Variants in CASZ1 observed in about 807,000 individuals in gnomAD.
CASZ1 encodes zinc finger protein castor homolog 1.
CASZ1 carries 28 observed loss-of-function variants against 135.2 expected under a neutral mutation model. The ratio of observed to expected loss-of-function variants is 0.21; its 90% CI spans 0.15 to 0.28. The LOEUF is 0.28. Ranked by LOEUF, CASZ1 falls within the 10% of genes least tolerant of loss-of-function variation. The pLI is 1.00. For missense variants in CASZ1, 2,161 were observed against 2,453.3 expected, an observed-to-expected ratio of 0.88 and a Z score of 2.52; for synonymous variants, 1,068 against 1,073.4, an observed-to-expected ratio of 0.99 and a Z score of 0.10.
intron 13 of CASZ1, 108 bp downstream of exon 13, chr1:10,650,584 T>C: frequency 1.1e-6 from 1 of 907,208 alleles, no homozygotes; most frequent in Admixed American, 1.8e-5. Context: ...TACAAACTCA[T>C]CTTATTAGAG....
In CASZ1 at chr1:10,725,638, C is replaced by G. The variant is rs1369228963; in HGVS notation, c.-76-20094G>C. Among the ~76,000 whole-genome samples, 1 of 152,056 alleles carries G rather than the reference C, an allele frequency of 6.6e-6. No homozygotes were observed. Among genetic ancestry groups the G allele is most frequent in the East Asian group, 1.9e-4 (1 of 5,194 alleles). Reference sequence around the variant, plus strand: ...TTGAAACTGGAGTTCATTCAGCTACCATGTTACAATCCAGTCACACTCCAG... The same window carrying G: ...TTGAAACTGGAGTTCATTCAGCTACGATGTTACAATCCAGTCACACTCCAG... On this transcript the variant is annotated intron_variant, in intron 2 of 20. Coordinates refer to ENST00000377022, the MANE Select transcript of CASZ1 (RefSeq NM_001079843.3). This position sits in a 1 kb window ranked among gnomAD's most constrained non-coding sequence, Gnocchi z 4.4.
Position 10,639,770 on chromosome 1 carries a change from C to T in CASZ1, c.4452G>A (p.Val1484=), listed in dbSNP as rs867652649. The part of the protein sequence containing the change: ...MYKHAQHHDR[V]DNLVLDDFKR... Reference sequence around the variant, plus strand: ...TGAAGTCGTCCAGCACCAGGTTGTCCACGCGGTCGTGGTGCTGCGCGTGCT... The same window carrying T: ...TGAAGTCGTCCAGCACCAGGTTGTCTACGCGGTCGTGGTGCTGCGCGTGCT... The change falls in exon 21 of 21, where the codon GTG becomes GTA. Residue 1484 remains valine (V), a synonymous_variant. Coordinates refer to ENST00000377022, the MANE Select transcript of CASZ1 (RefSeq NM_001079843.3). The surrounding 1 kb of genome is among the most constrained non-coding windows in gnomAD (Gnocchi z 4.0). 6.2e-7 allele frequency: 1 copy of T among 1,600,810 alleles called. No individual in the cohort carries two copies. The highest frequency in any genetic ancestry group is 1.3e-5 in the African/African-American group (1 of 74,774).
Position 10,657,142 on chromosome 1 carries a change from T to C in CASZ1, c.1410-406A>G, listed in dbSNP as rs1231506549. Reference sequence around the variant, plus strand: ...AGCCGGGCTCTGATGCTGAGAGGTGTTAAAGGGCTCTCTCTGTCCTGGGCT... The same window carrying C: ...AGCCGGGCTCTGATGCTGAGAGGTGCTAAAGGGCTCTCTCTGTCCTGGGCT... On this transcript the variant is annotated intron_variant, in intron 7 of 20. Coordinates refer to ENST00000377022, the MANE Select transcript of CASZ1 (RefSeq NM_001079843.3). The surrounding 1 kb of genome is among the most constrained non-coding windows in gnomAD (Gnocchi z 5.7). Among the ~76,000 whole-genome samples the C allele has an allele frequency of 6.6e-6, 1 of 152,142 alleles. No homozygotes were observed. Among genetic ancestry groups the C allele is most frequent in the Non-Finnish European group, 1.5e-5 (1 of 68,022 alleles).
At chr1:10,655,541 G>A in intron 9 of CASZ1, 108 bp downstream of exon 9, 3 of 1,046,436 alleles carry the variant, frequency 2.9e-6, no homozygotes, top group Non-Finnish European at 4.1e-6. Flanking sequence ...CTGATCAACT[G>A]GGGTCCCTGC....
intron 8 of CASZ1, 68 bp from the exon 9 acceptor site, chr1:10,655,881 A>G: frequency 7.2e-6 from 11 of 1,531,066 alleles, no homozygotes; most frequent in Non-Finnish European, 9.9e-6. Flanking sequence ...CCATATGCCA[A>G]GAGCACCTGG....
rs745798286 is a variant in CASZ1, at chr1:10,647,611, T to C, written c.3497+190A>G. The C allele has an allele frequency of 6.9e-6, 10 of 1,446,906 alleles. No individual in the cohort carries two copies. Among genetic ancestry groups the C allele is most frequent in the Non-Finnish European group, 6.3e-6 (7 of 1,103,274 alleles). The allele number at this position is 1,446,906 out of a possible 1,614,324, so 89.6% of individuals were successfully genotyped here. ...TCGGCCCACGCGGGCTGGCCTGCTC[T>C]GGGACAGGCAGTGAGGTAGGAGCAG... On this transcript the variant is annotated intron_variant, in intron 16 of 20. Coordinates refer to ENST00000377022, the MANE Select transcript of CASZ1 (RefSeq NM_001079843.3). This position sits in a 1 kb window ranked among gnomAD's most constrained non-coding sequence, Gnocchi z 4.9.
Position 10,722,887 on chromosome 1 carries a change from C to T in CASZ1, c.-76-17343G>A, listed in dbSNP as rs201085372. Among the ~76,000 whole-genome samples, 35 of 152,392 alleles carry T rather than the reference C, an allele frequency of 2.3e-4. No homozygotes were observed. The East Asian group carries it at 6.4e-3, about 28-fold the overall frequency. On this transcript the variant is annotated intron_variant, in intron 2 of 20. Coordinates refer to ENST00000377022, the MANE Select transcript of CASZ1 (RefSeq NM_001079843.3). ...AAGGCCTGCCCCCGCACCCCAGAAACAGGCCCAACAGGATGCCATCCGGGG... is the reference window on the plus strand; with the variant it reads ...AAGGCCTGCCCCCGCACCCCAGAAATAGGCCCAACAGGATGCCATCCGGGG...
rs867403279 is a variant in CASZ1, at chr1:10,747,179, C to A, written c.-77+13522G>T. 2.6e-5 allele frequency among the ~76,000 whole-genome samples: 4 copies of A among 152,224 alleles called. No homozygotes were observed. The highest frequency in any genetic ancestry group is 4.4e-5 in the Non-Finnish European group (3 of 68,044). On this transcript the variant is annotated intron_variant, in intron 2 of 20. Coordinates refer to ENST00000377022, the MANE Select transcript of CASZ1 (RefSeq NM_001079843.3). The surrounding 1 kb of genome is among the most constrained non-coding windows in gnomAD (Gnocchi z 4.3). ...AGCTACTCCACCAGCTACCCCCATA[C>A]CCTCTGAGCCTCTGGCCCTTGGAGA...
Position 10,777,908 on chromosome 1 carries a change from C to T in CASZ1, c.-233-17051G>A, listed in dbSNP as rs969556886. Reference sequence around the variant, plus strand: ...ACACAATTTCACACAAAATCTCACACACAGGCACACACAGTCTTCCACACC... The same window carrying T: ...ACACAATTTCACACAAAATCTCACATACAGGCACACACAGTCTTCCACACC... On this transcript the variant is annotated intron_variant, in intron 1 of 20. Transcript: ENST00000377022. This position sits in a 1 kb window ranked among gnomAD's most constrained non-coding sequence, Gnocchi z 4.4. Among the ~76,000 whole-genome samples, 9 of 152,062 alleles carry T rather than the reference C, an allele frequency of 5.9e-5. No homozygotes were observed. The highest frequency in any genetic ancestry group is 9.7e-5 in the African/African-American group (4 of 41,388).
In CASZ1 at chr1:10,675,564, G is replaced by A. The variant is rs372366725; in HGVS notation, c.17-9993C>T. Among the ~76,000 whole-genome samples, 273 of 152,176 alleles carry A rather than the reference G, an allele frequency of 1.8e-3. 2 individuals are homozygous for A. The highest frequency in any genetic ancestry group is 6.2e-3 in the African/African-American group (257 of 41,516). On this transcript the variant is annotated intron_variant, in intron 4 of 20. Coordinates refer to ENST00000377022, the MANE Select transcript of CASZ1 (RefSeq NM_001079843.3). ...GCCTCGGTCACATCCGGCCAACTCC[G>A]CACGGACCTGGCTGGGGGAGGTGCC... is the stretch of plus-strand genomic sequence containing the variant.
At chr1:10,786,996 A>C (rs1462848511) in intron 1 of CASZ1, among the ~76,000 whole-genome samples, 2 of 152,092 alleles carry the variant, frequency 1.3e-5, no homozygotes, top group Admixed American at 6.5e-5. Context: ...TGACATAAAA[A>C]CCGGCTCCCC....
Position 10,647,784 on chromosome 1 carries a change from CTCA to C in CASZ1, c.3497+14_3497+16del. 6.2e-7 allele frequency: 1 copy of C among 1,612,924 alleles called. No homozygotes were observed. Among genetic ancestry groups the C allele is most frequent in the Non-Finnish European group, 8.5e-7 (1 of 1,180,006 alleles). ...CGCGAGGGGAACGCGGGACTCCCGG[CTCA>C]TCGAGGGACTCACTTCTCCTGGAAC... On this transcript the variant is annotated intron_variant, in intron 16 of 20. Coordinates refer to ENST00000377022, the MANE Select transcript of CASZ1 (RefSeq NM_001079843.3). This position sits in a 1 kb window ranked among gnomAD's most constrained non-coding sequence, Gnocchi z 4.9.
chr1:10,677,209 G>A (rs1306508446), intron 4 of CASZ1, among the ~76,000 whole-genome samples: 4 of 152,100 alleles, frequency 2.6e-5, no homozygotes, highest in African/African-American at 4.8e-5. Flanking sequence ...TGGAAGGAAC[G>A]CCAGGAGCTC....
At chr1:10,649,771 T>TC (rs1387280194) in intron 13 of CASZ1, 1 of 216,898 alleles carries the variant, frequency 4.6e-6, no homozygotes, top group African/African-American at 2.3e-5. Flanking sequence ...CTGGTTATTT[T>TC]CCTGCCAGAA....
At position 10,694,848 on chromosome 1, in the gene CASZ1, C is replaced by G. The variant is rs1248703788; in HGVS notation, c.-23-936G>C. Among the ~76,000 whole-genome samples the G allele has an allele frequency of 7.0e-6, 1 of 143,662 alleles. No homozygotes were observed. The allele number at this position is 143,662 out of a possible 152,430, so 94.2% of individuals were successfully genotyped here. A position where few individuals can be genotyped will look rare whatever the true frequency, so the allele number is the denominator to read the frequency against. The stretch of plus-strand genomic sequence containing the variant: ...CCGGCGCGGGGCGGGGAACGCGGCC[C>G]GAGTAAGGCGCCCGCGGGCACGCGC... On this transcript the variant is annotated intron_variant, in intron 3 of 20. Transcript: ENST00000377022. This position sits in a 1 kb window ranked among gnomAD's most constrained non-coding sequence, Gnocchi z 6.6.
rs970149250 is a variant in CASZ1, at chr1:10,724,828, T to C, written c.-76-19284A>G. Among the ~76,000 whole-genome samples the C allele has an allele frequency of 1.3e-5, 2 of 152,074 alleles. No individual in the cohort carries two copies. Among genetic ancestry groups the C allele is most frequent in the African/African-American group, 4.8e-5 (2 of 41,404 alleles). On this transcript the variant is annotated intron_variant, in intron 2 of 20. Coordinates refer to ENST00000377022, the MANE Select transcript of CASZ1 (RefSeq NM_001079843.3). This position sits in a 1 kb window ranked among gnomAD's most constrained non-coding sequence, Gnocchi z 4.1. Reference sequence around the variant, plus strand: ...TGGCTGGGAGCCTCGGAGGATGACATAAGGGGGACACAGCCAACCTGGGGA... The same window carrying C: ...TGGCTGGGAGCCTCGGAGGATGACACAAGGGGGACACAGCCAACCTGGGGA...
intron 13 of CASZ1, chr1:10,650,060 C>G (rs911939825): frequency 6.5e-5 from 10 of 152,700 alleles, no homozygotes; most frequent in African/African-American, 2.4e-4. Context: ...AGTGAGGCTC[C>G]TTCCCCACCG....
In CASZ1 at chr1:10,777,976, C is replaced by T. The variant is rs540526435; in HGVS notation, c.-233-17119G>A. 1.8e-4 allele frequency among the ~76,000 whole-genome samples: 27 copies of T among 152,064 alleles called. No homozygotes were observed. Among genetic ancestry groups the T allele is most frequent in the African/African-American group, 5.3e-4 (22 of 41,468 alleles). On this transcript the variant is annotated intron_variant, in intron 1 of 20. Transcript: ENST00000377022. This position sits in a 1 kb window ranked among gnomAD's most constrained non-coding sequence, Gnocchi z 4.4. Reference sequence around the variant, plus strand: ...AACCACATACAATCTCATACGCAATCGCATACACAATCTCATACAGTCTCA... The same window carrying T: ...AACCACATACAATCTCATACGCAATTGCATACACAATCTCATACAGTCTCA...
rs889240768 is a variant in CASZ1, at chr1:10,739,763, G to C, written c.-77+20938C>G. Among the ~76,000 whole-genome samples, 12 of 152,158 alleles carry C rather than the reference G, an allele frequency of 7.9e-5. No individual in the cohort carries two copies. Among genetic ancestry groups the C allele is most frequent in the African/African-American group, 2.9e-4 (12 of 41,440 alleles). ...CCCTCTCTTTGGGGTTCTGGTTCCC[G>C]ATTAAACCTTGACCTCTCTAGCACA... On this transcript the variant is annotated intron_variant, in intron 2 of 20. Transcript: ENST00000377022. This position sits in a 1 kb window ranked among gnomAD's most constrained non-coding sequence, Gnocchi z 4.8.
Sources: allele counts gnomAD v4.1 joint callset (sites outside exome capture counted in the v4.1 genomes callset), GRCh38; gene constraint gnomAD v4.1.1; non-coding constraint Gnocchi (gnomAD v3.1); transcripts MANE v1.5; gene names NCBI Gene and HGNC (gene_info 2026-07-23, HGNC 2026-07-21).